SORT1: variants seen among roughly 807,000 people sequenced by gnomAD.
SORT1 encodes sortilin.
A neutral mutation model predicts 101.7 loss-of-function variants in SORT1; 39 were observed. The ratio of observed to expected loss-of-function variants is 0.38; its 90% CI spans 0.30 to 0.50. The LOEUF is 0.50. SORT1 is among the 20% of genes least tolerant of loss of function. SORT1 has a pLI of 0.90. For missense variants in SORT1, 878 were observed against 1,040.4 expected (o/e 0.84, Z 2.15); for synonymous variants, 396 against 393.7 (o/e 1.01, Z -0.07).
chr1:109,363,079 T>C lies in SORT1; in HGVS notation c.440+4329A>G, dbSNP rs945522239. Among the ~76,000 whole-genome samples, 13 of 152,282 alleles carry C rather than the reference T, an allele frequency of 8.5e-5. No homozygotes were observed. The East Asian group carries it at 9.6e-4, about 11-fold the overall frequency. ...TATATTTTAATGCAAAACCTCTTAA[T>C]AGGGAAATTTGAGCAATTCTCAATA... On this transcript the variant is annotated intron_variant, in intron 3 of 19. Transcript: ENST00000256637.
In SORT1 at chr1:109,397,905, C is replaced by CCGCCGA. The variant is rs1653299141; in HGVS notation, c.-19_-14dup. 1 of 1,147,508 alleles carries CCGCCGA rather than the reference C, an allele frequency of 8.7e-7. No individual in the cohort carries two copies. Among genetic ancestry groups the CCGCCGA allele is most frequent in the South Asian group, 4.0e-5 (1 of 24,790 alleles). The allele number at this position is 1,147,508 out of a possible 1,614,324, so 71.1% of individuals were successfully genotyped here. A position where few individuals can be genotyped will look rare whatever the true frequency, so the allele number is the denominator to read the frequency against. On this transcript the variant is annotated 5_prime_UTR_variant, in exon 1 of 20. Coordinates refer to ENST00000256637, the MANE Select transcript of SORT1 (RefSeq NM_002959.7). ...AGGGCCGCTCCATCGCCGCCGAATG[C>CCGCCGA]CGCCGACGCCGACACCTGCCGCCCG...
chr1:109,397,810 G>A lies in SORT1; in HGVS notation c.83C>T (p.Pro28Leu). The A allele has an allele frequency of 1.6e-6, 2 of 1,285,996 alleles. No individual in the cohort carries two copies. The highest frequency in any genetic ancestry group is 2.0e-6 in the Non-Finnish European group (2 of 1,006,920). 79.7% of individuals were successfully genotyped at this position (1,285,996 alleles called of 1,614,324 possible). Reference protein sequence around the residue: ...LGLLLLLQLLPPSTLSQDRLD... With the variant: ...LGLLLLLQLLLPSTLSQDRLD... ...CCGGTCCTGGCTGAGGGTCGACGGC[G>A]GCAGCAGCTGCAGGAGGAGGAGGAG... Residue 28 changes from proline to leucine, a missense_variant, in exon 1 of 20, where the codon CCG becomes CTG. Physicochemically the swap from Pro to Leu is moderately conservative, Grantham distance 98. Coordinates refer to ENST00000256637, the MANE Select transcript of SORT1 (RefSeq NM_002959.7).
chr1:109,353,338 A>C (rs111310890), intron 5 of SORT1, among the ~76,000 whole-genome samples: 19 of 151,050 alleles, frequency 1.3e-4, no homozygotes, highest in Non-Finnish European at 1.5e-4. Flanking sequence ...CAAAAAAAAA[A>C]AAAAAAAAAA....
chr1:109,337,548 T>G (rs1570916756), intron 10 of SORT1, among the ~76,000 whole-genome samples: 1 of 152,164 alleles, frequency 6.6e-6, no homozygotes, highest in Non-Finnish European at 1.5e-5. Context: ...TGGGCTCCTT[T>G]GAGTTTTCTA....
intron 1 of SORT1, among the ~76,000 whole-genome samples, chr1:109,386,624 G>A (rs552599427): frequency 3.2e-4 from 49 of 151,966 alleles, no homozygotes; most frequent in Non-Finnish European, 6.0e-4. Context: ...AGGCCCAGGC[G>A]GAAGGATCAC....
At chr1:109,337,722 G>T (rs1308266323) in intron 10 of SORT1, among the ~76,000 whole-genome samples, 1 of 152,064 alleles carries the variant, frequency 6.6e-6, no homozygotes, top group Non-Finnish European at 1.5e-5. Flanking sequence ...CTGCCTCCCG[G>T]GTTCAAGCGA....
intron 1 of SORT1, among the ~76,000 whole-genome samples, chr1:109,391,579 T>C (rs2100932741): frequency 6.6e-6 from 1 of 152,354 alleles, no homozygotes; most frequent in Middle Eastern, 3.4e-3. Flanking sequence ...TTGTTTTTAC[T>C]GTGGTTTCCT....
At chr1:109,379,805 T>C (rs1289684838) in intron 1 of SORT1, among the ~76,000 whole-genome samples, 1 of 152,050 alleles carries the variant, frequency 6.6e-6, no homozygotes, top group Non-Finnish European at 1.5e-5. Context: ...ATGGATGAGG[T>C]TTCTTTTAGC....
intron 1 of SORT1, among the ~76,000 whole-genome samples, chr1:109,379,700 T>C (rs191547851): frequency 6.6e-6 from 1 of 152,152 alleles, no homozygotes; most frequent in Non-Finnish European, 1.5e-5. Flanking sequence ...CAGATGAGCA[T>C]GAAATTATTG....
At chr1:109,318,717 C>T (rs567572953) in intron 15 of SORT1, among the ~76,000 whole-genome samples, 5 of 152,160 alleles carry the variant, frequency 3.3e-5, no homozygotes, top group East Asian at 1.9e-4. Flanking sequence ...TGGAGTACAG[C>T]GGCATGAACA....
chr1:109,329,049 A>C (rs1648275189), intron 11 of SORT1, among the ~76,000 whole-genome samples: 1 of 152,032 alleles, frequency 6.6e-6, no homozygotes, highest in South Asian at 2.1e-4. Flanking sequence ...AGCTACCCCC[A>C]AAGACCAAGG....
chr1:109,327,738 C>T, intron 11 of SORT1, 137 bp from the exon 12 acceptor site: 1 of 506,488 alleles, frequency 2.0e-6, no homozygotes, highest in South Asian at 3.3e-5. Context: ...TATTTATTTA[C>T]TATTTAGGTG....
At chr1:109,321,020 T>C (rs1272695461) in intron 15 of SORT1, among the ~76,000 whole-genome samples, 1 of 152,210 alleles carries the variant, frequency 6.6e-6, no homozygotes, top group Non-Finnish European at 1.5e-5. Context: ...ATCCCAGCTC[T>C]GCCACTTCCC....
At chr1:109,342,252 C>A in intron 8 of SORT1, 94 bp from the exon 9 acceptor site, 1 of 930,788 alleles carries the variant, frequency 1.1e-6, no homozygotes. Flanking sequence ...CTACTATTAT[C>A]CATTTCTCTA....
At position 109,324,978 on chromosome 1, in the gene SORT1, A is replaced by G. The variant is rs1334991272; in HGVS notation, c.1755T>C (p.Ile585=). The G allele has an allele frequency of 1.9e-6, 3 of 1,613,740 alleles. No homozygotes were observed. Among genetic ancestry groups the G allele is most frequent in the South Asian group, 1.1e-5 (1 of 91,064 alleles). Residue 585 remains isoleucine, a synonymous_variant, in exon 14 of 20, where the codon ATT becomes ATC. Transcript: ENST00000256637. ...EPGARSMNIS[I]WGFTESFLTS... The stretch of plus-strand genomic sequence containing the variant: ...TCAGGAAAGATTCTGTGAAGCCCCA[A>G]ATGCTGATATTCATGGACCTAGCTC...
chr1:109,336,782 C>T lies in SORT1; in HGVS notation c.1265-436G>A, dbSNP rs577918914. Among the ~76,000 whole-genome samples, 83 of 149,926 alleles carry T rather than the reference C, an allele frequency of 5.5e-4. 1 individual carries two copies. The highest frequency in any genetic ancestry group is 4.5e-3 in the Admixed American group (68 of 14,954). ...CAAGATCATGCCATTGCACTCTAGC[C>T]TGGGCAACAAGAGCAAAACTCTTGT... On this transcript the variant is annotated intron_variant, in intron 10 of 19. Coordinates refer to ENST00000256637, the MANE Select transcript of SORT1 (RefSeq NM_002959.7).
chr1:109,318,666 C>T (rs75744829), intron 15 of SORT1, among the ~76,000 whole-genome samples: 9 of 152,006 alleles, frequency 5.9e-5, no homozygotes, highest in Admixed American at 1.3e-4. Flanking sequence ...TCCCCCTCCC[C>T]GCTTTTTTTT....
intron 1 of SORT1, among the ~76,000 whole-genome samples, chr1:109,372,507 T>C (rs1415093161): frequency 6.6e-6 from 1 of 152,352 alleles, no homozygotes; most frequent in African/African-American, 2.4e-5. Flanking sequence ...GACATGAGTA[T>C]GAAATGTAAA....
At chr1:109,314,529 A>G in intron 18 of SORT1, 143 bp downstream of exon 18, 1 of 1,180,014 alleles carries the variant, frequency 8.5e-7, no homozygotes, top group Non-Finnish European at 1.2e-6. Context: ...TGAAAAATGT[A>G]CGACATGAGA....
Sources: gnomAD v4.1 joint callset for allele counts (sites outside exome capture counted in the v4.1 genomes callset) on GRCh38, gnomAD v4.1.1 for gene constraint, MANE v1.5 for transcripts, NCBI Gene and HGNC (gene_info 2026-07-23, HGNC 2026-07-21) for gene names.